The following ASAP1 variants were observed in gnomAD, a reference collection of about 807,000 sequenced individuals.
The protein encoded by ASAP1 is arf-GAP with SH3 domain, ANK repeat and PH domain-containing protein 1.
Under a neutral mutation model 145.2 loss-of-function variants are expected in ASAP1, and 43 were observed. The ratio of observed to expected loss-of-function variants is 0.30; its 90% CI spans 0.23 to 0.38. ASAP1 has a LOEUF of 0.38. Ranked by LOEUF, ASAP1 falls within the 10% of genes least tolerant of loss-of-function variation. The pLI is 1.00. For synonymous variants in ASAP1, 546 were observed against 515.5 expected, an observed-to-expected ratio of 1.06 and a Z score of -0.80; for missense variants, 1,018 against 1,355.3, an observed-to-expected ratio of 0.75 and a Z score of 3.91.
intron 2 of ASAP1, among the ~76,000 whole-genome samples, chr8:130,398,134 G>C (rs1390805084): frequency 6.6e-6 from 1 of 152,148 alleles, no homozygotes; most frequent in African/African-American, 2.4e-5. Context: ...TGTTTTTATT[G>C]ACATATAAGA....
intron 3 of ASAP1, among the ~76,000 whole-genome samples, chr8:130,270,666 A>T (rs1820532192): frequency 6.6e-6 from 1 of 152,240 alleles, no homozygotes; most frequent in Admixed American, 6.5e-5. Flanking sequence ...ATTTGGTTCT[A>T]ATATTTGAGT....
intron 4 of ASAP1, among the ~76,000 whole-genome samples, chr8:130,232,246 CTCTA>C (rs1817950153): frequency 6.6e-6 from 1 of 152,134 alleles, no homozygotes; most frequent in Admixed American, 6.6e-5. Flanking sequence ...GGGGATTAGG[CTCTA>C]TCTTTCTAAA....
At chr8:130,320,372 A>G (rs934576509) in intron 3 of ASAP1, among the ~76,000 whole-genome samples, 1 of 152,132 alleles carries the variant, frequency 6.6e-6, no homozygotes, top group Non-Finnish European at 1.5e-5. Flanking sequence ...CCTGAGCGAC[A>G]TGACAAAACC....
At position 130,072,825 on chromosome 8, in the gene ASAP1, G is replaced by GTGCGTGCGTGTGCGCGCGCGCGCGCA; in HGVS notation, c.2701+3522_2701+3523insTGCGCGCGCGCGCGCACACGCACGCA. On this transcript the variant is annotated intron_variant, in intron 27 of 29. Coordinates refer to ENST00000518721, the MANE Select transcript of ASAP1 (RefSeq NM_018482.4). The stretch of plus-strand genomic sequence containing the variant: ...TGTGTGTGTGTGTGTGTGTGTGTGT[G>GTGCGTGCGTGTGCGCGCGCGCGCGCA]CGCGCGGGGGGGGGCAGTTTTGGGG... 2.2e-4 allele frequency among the ~76,000 whole-genome samples: 12 copies of GTGCGTGCGTGTGCGCGCGCGCGCGCA among 54,116 alleles called. No homozygotes were observed. In the East Asian group the frequency reaches 3.2e-3, roughly 15 times the overall value. 35.5% of individuals were successfully genotyped at this position (54,116 alleles called of 152,430 possible). A position where few individuals can be genotyped will look rare whatever the true frequency, so the allele number is the denominator to read the frequency against.
chr8:130,348,546 C>T lies in ASAP1; in HGVS notation c.186+9471G>A, dbSNP rs192472192. Among the ~76,000 whole-genome samples, 940 of 152,260 alleles carry T rather than the reference C, an allele frequency of 6.2e-3. 10 individuals are homozygous for T. Among genetic ancestry groups the T allele is most frequent in the African/African-American group, 0.02 (850 of 41,542 alleles). On this transcript the variant is annotated intron_variant, in intron 3 of 29. Transcript: ENST00000518721. ...AGACAGGGCTGTGGGCTGGAAAGAG[C>T]CTACTGTGAACTCCTGGATTCTGTT...
chr8:130,177,066 T>C (rs988576380), intron 9 of ASAP1, among the ~76,000 whole-genome samples: 1 of 152,214 alleles, frequency 6.6e-6, no homozygotes, highest in East Asian at 1.9e-4. Context: ...TCTGACTTAC[T>C]TCCTATACCT....
At chr8:130,283,940 C>G (rs1411415987) in intron 3 of ASAP1, among the ~76,000 whole-genome samples, 1 of 152,184 alleles carries the variant, frequency 6.6e-6, no homozygotes, top group Non-Finnish European at 1.5e-5. Flanking sequence ...TCCCCAGAAT[C>G]TGTGAGGAAC....
chr8:130,177,722 G>A (rs189398357), intron 9 of ASAP1, among the ~76,000 whole-genome samples: 78 of 152,198 alleles, frequency 5.1e-4, no homozygotes, highest in African/African-American at 1.8e-3. Flanking sequence ...TCAAATTTAT[G>A]TAAACAACAA....
At chr8:130,234,034 A>C (rs1184127578) in intron 4 of ASAP1, among the ~76,000 whole-genome samples, 3 of 152,188 alleles carry the variant, frequency 2.0e-5, no homozygotes, top group African/African-American at 7.2e-5. Context: ...TAAGGGTCTG[A>C]GAGATTCCTG....
intron 24 of ASAP1, among the ~76,000 whole-genome samples, chr8:130,093,289 G>A (rs547626129): frequency 4.3e-4 from 66 of 152,278 alleles, no homozygotes; most frequent in African/African-American, 1.4e-3. Context: ...GGTATTCCAT[G>A]CTGGGCACTT....
chr8:130,114,664 T>G (rs1408920688), intron 23 of ASAP1, among the ~76,000 whole-genome samples: 2 of 152,180 alleles, frequency 1.3e-5, no homozygotes, highest in Non-Finnish European at 2.9e-5. Flanking sequence ...TGATCCCCAT[T>G]GAGTATGCAG....
chr8:130,249,735 T>C (rs1819076493), intron 3 of ASAP1, among the ~76,000 whole-genome samples: 1 of 152,150 alleles, frequency 6.6e-6, no homozygotes, highest in Non-Finnish European at 1.5e-5. Flanking sequence ...TTTATTTATA[T>C]ATTACTTCCT....
At chr8:130,275,590 G>A (rs183887946) in intron 3 of ASAP1, among the ~76,000 whole-genome samples, 2 of 151,862 alleles carry the variant, frequency 1.3e-5, no homozygotes, top group East Asian at 3.9e-4. Context: ...AACTTATAAA[G>A]CAATTCGTTC....
At chr8:130,116,640 C>T (rs377098521) in intron 22 of ASAP1, 38 bp downstream of exon 22, 2 of 1,563,786 alleles carry the variant, frequency 1.3e-6, no homozygotes, top group Non-Finnish European at 1.8e-6. Flanking sequence ...TTAAGGCAGC[C>T]AATGTCTAAT....
intron 2 of ASAP1, among the ~76,000 whole-genome samples, chr8:130,397,421 A>G (rs1828582777): frequency 6.6e-6 from 1 of 152,204 alleles, no homozygotes; most frequent in South Asian, 2.1e-4. Context: ...GATTACAGGC[A>G]TGAGCCACCA....
Position 130,072,824 on chromosome 8 carries a change from T to TGCGCGCGCGCGCGCGC in ASAP1, c.2701+3523_2701+3524insGCGCGCGCGCGCGCGC, listed in dbSNP as rs71303498. On this transcript the variant is annotated intron_variant, in intron 27 of 29. Transcript: ENST00000518721. ...GTGTGTGTGTGTGTGTGTGTGTGTGTGCGCGCGGGGGGGGGCAGTTTTGGG... is the reference window on the plus strand; with the variant it reads ...GTGTGTGTGTGTGTGTGTGTGTGTGTGCGCGCGCGCGCGCGCGCGCGCGGGGGGGGGCAGTTTTGGG... Among the ~76,000 whole-genome samples, 69 of 32,178 alleles carry TGCGCGCGCGCGCGCGC rather than the reference T, an allele frequency of 2.1e-3. 1 individual carries two copies. In the South Asian group the frequency reaches 0.046, roughly 22 times the overall value. 21.1% of individuals were successfully genotyped at this position (32,178 alleles called of 152,430 possible).
intron 27 of ASAP1, among the ~76,000 whole-genome samples, chr8:130,072,820 T>TGA (rs1276537977): frequency 4.5e-5 from 1 of 22,056 alleles, no homozygotes; most frequent in Non-Finnish European, 1.0e-4. Flanking sequence ...TGTGTGTGTG[T>TGA]GTGTGCGCGC....
intron 2 of ASAP1, among the ~76,000 whole-genome samples, chr8:130,397,795 C>T (rs1342397290): frequency 6.6e-6 from 1 of 152,198 alleles, no homozygotes; most frequent in Non-Finnish European, 1.5e-5. Flanking sequence ...AGCTTCCATG[C>T]CCCTCCTGTG....
At chr8:130,247,443 T>C (rs1382773898) in intron 3 of ASAP1, among the ~76,000 whole-genome samples, 1 of 152,148 alleles carries the variant, frequency 6.6e-6, no homozygotes, top group East Asian at 1.9e-4. Context: ...CAGGTCTTCC[T>C]GATCTCAAGG....
Sources: gnomAD v4.1 joint callset for allele counts (sites outside exome capture counted in the v4.1 genomes callset) on GRCh38, gnomAD v4.1.1 for gene constraint, MANE v1.5 for transcripts, NCBI Gene and HGNC (gene_info 2026-07-23, HGNC 2026-07-21) for gene names.